CMTM3: variants seen among roughly 807,000 people sequenced by gnomAD.
CMTM3 encodes CKLF-like MARVEL transmembrane domain-containing protein 3.
A neutral mutation model predicts 18.2 loss-of-function variants in CMTM3; 7 were observed. The observed-to-expected ratio is 0.38, with a 90% CI of 0.22 to 0.72. The LOEUF (loss-of-function observed/expected upper bound fraction) is 0.72, where lower values mean the gene tolerates loss of function less well. Among genes scored for constraint, CMTM3 ranks in the 30% least tolerant of loss-of-function variants. The pLI, the probability that CMTM3 is intolerant of heterozygous loss-of-function variation, is 0.46. For synonymous variants in CMTM3, 109 were observed against 111.2 expected (o/e 0.98, Z 0.12); for missense variants, 227 against 249.2 (o/e 0.91, Z 0.60).
chr16:66,610,355 G>A lies in CMTM3; in HGVS notation c.520+352G>A, dbSNP rs1017229653. On this transcript the variant is annotated intron_variant, in intron 4 of 4. Coordinates refer to ENST00000567572, the MANE Select transcript of CMTM3 (RefSeq NM_181553.4). This position sits in a 1 kb window ranked among gnomAD's most constrained non-coding sequence, Gnocchi z 4.6. ...ATCCCCCAAACCCAGCCCCTCTGCT[G>A]TCTTACCCATCCAGGCCTGTCCTGG... 6.6e-6 allele frequency among the ~76,000 whole-genome samples: 1 copy of A among 152,166 alleles called. No individual in the cohort carries two copies. The highest frequency in any genetic ancestry group is 2.4e-5 in the African/African-American group (1 of 41,434).
rs761055628 is a variant in CMTM3 at position 66,608,609 on chromosome 16, C to G, written c.303+145C>G. 4.3e-4 allele frequency: 319 copies of G among 745,890 alleles called. No individual in the cohort carries two copies. Among genetic ancestry groups the G allele is most frequent in the Non-Finnish European group, 2.8e-4 (128 of 463,436 alleles). 46.2% of individuals were successfully genotyped at this position (745,890 alleles called of 1,614,324 possible). ...AGAACTGGATGGAGAGACCCAGCTT[C>G]AGATCATCCCAGCTCCACTACTCAG... On this transcript the variant is annotated intron_variant, in intron 2 of 4. Transcript: ENST00000567572. This position sits in a 1 kb window ranked among gnomAD's most constrained non-coding sequence, Gnocchi z 5.1.
chr16:66,607,673 G>T (rs547967319), intron 1 of CMTM3, among the ~76,000 whole-genome samples: 1 of 152,062 alleles, frequency 6.6e-6, no homozygotes, highest in Non-Finnish European at 1.5e-5. Context: ...TTCCTGCCTC[G>T]CTTTGATTTC....
Position 66,609,569 on chromosome 16 carries a change from C to T in CMTM3, c.399+39C>T, listed in dbSNP as rs967021550. 2 of 1,547,834 alleles carry T rather than the reference C, an allele frequency of 1.3e-6. No homozygotes were observed. Among genetic ancestry groups the T allele is most frequent in the Non-Finnish European group, 1.8e-6 (2 of 1,140,514 alleles). On this transcript the variant is annotated intron_variant, in intron 3 of 4. Coordinates refer to ENST00000567572, the MANE Select transcript of CMTM3 (RefSeq NM_181553.4). The surrounding 1 kb of genome is among the most constrained non-coding windows in gnomAD (Gnocchi z 4.4). ...CCACCCCTCTGGAAACTGCAGATGC[C>T]CCTCTAGCCCCTCATTTAGGGTGGG...
intron 1 of CMTM3, among the ~76,000 whole-genome samples, chr16:66,606,807 G>T (rs2015172442): frequency 1.3e-5 from 2 of 152,232 alleles, no homozygotes; most frequent in South Asian, 4.1e-4. Context: ...AGCCTGGCCA[G>T]CATGGTGAAA....
rs2015237128 is a variant in CMTM3 at position 66,608,301 on chromosome 16, C to A, written c.148-8C>A. On this transcript the variant is annotated splice_region_variant and splice_polypyrimidine_tract_variant and intron_variant, in intron 1 of 4. Transcript: ENST00000567572. This position sits in a 1 kb window ranked among gnomAD's most constrained non-coding sequence, Gnocchi z 5.1. ...GCTCTGACTTCACCTCAAACTCCTT[C>A]CCCGCAGGGTCTCTCATTCATCACT... 1.2e-6 allele frequency: 2 copies of A among 1,613,846 alleles called. No individual in the cohort carries two copies. The highest frequency in any genetic ancestry group is 1.7e-6 in the Non-Finnish European group (2 of 1,179,898).
In CMTM3 at chr16:66,609,285, C is replaced by A; in HGVS notation, c.304-150C>A. The A allele has an allele frequency of 1.5e-6, 1 of 651,686 alleles. No homozygotes were observed. The highest frequency in any genetic ancestry group is 2.8e-5 in the Admixed American group (1 of 36,010). 40.4% of individuals were successfully genotyped at this position (651,686 alleles called of 1,614,324 possible). ...CAGCAGAGGCACCTCGGGGGTGGGACAAGGGCCTAGGCATGTGGGTGGGGC... is the reference window on the plus strand; with the variant it reads ...CAGCAGAGGCACCTCGGGGGTGGGAAAAGGGCCTAGGCATGTGGGTGGGGC... On this transcript the variant is annotated intron_variant, in intron 2 of 4. Transcript: ENST00000567572. This position sits in a 1 kb window ranked among gnomAD's most constrained non-coding sequence, Gnocchi z 4.4.
chr16:66,605,180 G>A lies in CMTM3; in HGVS notation c.147+228G>A, dbSNP rs571645565. The A allele has an allele frequency of 2.1e-5, 9 of 420,550 alleles. No individual in the cohort carries two copies. Among genetic ancestry groups the A allele is most frequent in the African/African-American group, 1.0e-4 (5 of 47,798 alleles). The allele number at this position is 420,550 out of a possible 1,614,324, so 26.1% of individuals were successfully genotyped here. On this transcript the variant is annotated intron_variant, in intron 1 of 4. Transcript: ENST00000567572. This position sits in a 1 kb window ranked among gnomAD's most constrained non-coding sequence, Gnocchi z 4.6. ...CCAGGCCATCCGCGGCGCTGTCCCC[G>A]CGAGTCCAGAGCTGGGGGCCGTGGG...
chr16:66,606,250 A>T (rs2015147676), intron 1 of CMTM3, among the ~76,000 whole-genome samples: 1 of 152,278 alleles, frequency 6.6e-6, no homozygotes, highest in Admixed American at 6.5e-5. Context: ...TGAGATGGAC[A>T]GAAACAGAGA....
At position 66,609,829 on chromosome 16, in the gene CMTM3, C is replaced by T. The variant is rs200476183; in HGVS notation, c.400-54C>T. Reference sequence around the variant, plus strand: ...ATGGGCCGTGAGGCTGGGGCAGCAGCCTCCCGGAGCAGGGAGTCAGCCCTG... The same window carrying T: ...ATGGGCCGTGAGGCTGGGGCAGCAGTCTCCCGGAGCAGGGAGTCAGCCCTG... On this transcript the variant is annotated intron_variant, in intron 3 of 4. Coordinates refer to ENST00000567572, the MANE Select transcript of CMTM3 (RefSeq NM_181553.4). The surrounding 1 kb of genome is among the most constrained non-coding windows in gnomAD (Gnocchi z 4.4). The T allele has an allele frequency of 4.9e-4, 792 of 1,614,184 alleles. 8 individuals carry two copies. The South Asian group carries it at 6.0e-3, about 12-fold the overall frequency.
chr16:66,611,773 G>A (rs1305067034), intron 4 of CMTM3, among the ~76,000 whole-genome samples: 6 of 152,120 alleles, frequency 3.9e-5, no homozygotes, highest in Admixed American at 2.0e-4. Context: ...AGGAACCCTC[G>A]AGGTACACCT....
chr16:66,608,178 CT>C lies in CMTM3; in HGVS notation c.148-130del. Reference sequence around the variant, plus strand: ...CTAATCTGGCTCTGCCACTTCCCAGCTGCGGGACTGTGAGCAGTTGGCTTCC... The same window carrying C: ...CTAATCTGGCTCTGCCACTTCCCAGCGCGGGACTGTGAGCAGTTGGCTTCC... On this transcript the variant is annotated intron_variant, in intron 1 of 4. Transcript: ENST00000567572. The surrounding 1 kb of genome is among the most constrained non-coding windows in gnomAD (Gnocchi z 5.1). The C allele has an allele frequency of 1.1e-6, 1 of 941,770 alleles. No homozygotes were observed. Among genetic ancestry groups the C allele is most frequent in the East Asian group, 2.4e-5 (1 of 41,496 alleles). The allele number at this position is 941,770 out of a possible 1,614,324, so 58.3% of individuals were successfully genotyped here. A position where few individuals can be genotyped will look rare whatever the true frequency, so the allele number is the denominator to read the frequency against.
Position 66,610,063 on chromosome 16 carries a change from GA to G in CMTM3, c.520+61del. The G allele has an allele frequency of 6.3e-7, 1 of 1,597,378 alleles. No individual in the cohort carries two copies. Among genetic ancestry groups the G allele is most frequent in the East Asian group, 2.2e-5 (1 of 44,692 alleles). On this transcript the variant is annotated intron_variant, in intron 4 of 4. Coordinates refer to ENST00000567572, the MANE Select transcript of CMTM3 (RefSeq NM_181553.4). This position sits in a 1 kb window ranked among gnomAD's most constrained non-coding sequence, Gnocchi z 4.6. ...CAACAGGGGCCTGCCCTCCCTCGGG[GA>G]TGCCAGCTAGTTTGAGGCTGGGGTG...
chr16:66,611,397 T>C (rs1021697426), intron 4 of CMTM3, among the ~76,000 whole-genome samples: 1 of 151,684 alleles, frequency 6.6e-6, no homozygotes, highest in African/African-American at 2.4e-5. Context: ...TGCAGTGACC[T>C]GAGATCAAGA....
At position 66,609,411 on chromosome 16, in the gene CMTM3, G is replaced by A. The variant is rs777894557; in HGVS notation, c.304-24G>A. Reference sequence around the variant, plus strand: ...GCTGTGCTCAGCTCCAGGGGCTCAGGGCAGCATGCCCCTCTCTCCCCAGGA... The same window carrying A: ...GCTGTGCTCAGCTCCAGGGGCTCAGAGCAGCATGCCCCTCTCTCCCCAGGA... On this transcript the variant is annotated intron_variant, in intron 2 of 4. Coordinates refer to ENST00000567572, the MANE Select transcript of CMTM3 (RefSeq NM_181553.4). This position sits in a 1 kb window ranked among gnomAD's most constrained non-coding sequence, Gnocchi z 4.4. The A allele has an allele frequency of 1.2e-6, 2 of 1,602,532 alleles. No individual in the cohort carries two copies. The highest frequency in any genetic ancestry group is 1.1e-5 in the South Asian group (1 of 90,006).
chr16:66,608,230 C>T lies in CMTM3; in HGVS notation c.148-79C>T. 1 of 1,526,298 alleles carries T rather than the reference C, an allele frequency of 6.6e-7. No individual in the cohort carries two copies. Among genetic ancestry groups the T allele is most frequent in the African/African-American group, 1.4e-5 (1 of 73,396 alleles). The allele number at this position is 1,526,298 out of a possible 1,614,324, so 94.5% of individuals were successfully genotyped here. A position where few individuals can be genotyped will look rare whatever the true frequency, so the allele number is the denominator to read the frequency against. ...CCTGCTGGAACCTCCTCTATCCTGA[C>T]CACAGGGCCTGGCTCAGAGGAGCAC... On this transcript the variant is annotated intron_variant, in intron 1 of 4. Transcript: ENST00000567572. This position sits in a 1 kb window ranked among gnomAD's most constrained non-coding sequence, Gnocchi z 5.1.
chr16:66,606,276 G>A (rs1416662599), intron 1 of CMTM3, among the ~76,000 whole-genome samples: 3 of 152,126 alleles, frequency 2.0e-5, no homozygotes, highest in Non-Finnish European at 2.9e-5. Context: ...AGTGGCCCCA[G>A]AAATCGCGGG....
rs1191524238 is a variant in CMTM3 at position 66,613,314 on chromosome 16, C to T, written c.*677C>T. 1 of 591,198 alleles carries T rather than the reference C, an allele frequency of 1.7e-6. No individual in the cohort carries two copies. Among genetic ancestry groups the T allele is most frequent in the Non-Finnish European group, 3.0e-6 (1 of 330,344 alleles). 36.6% of individuals were successfully genotyped at this position (591,198 alleles called of 1,614,324 possible). A position where few individuals can be genotyped will look rare whatever the true frequency, so the allele number is the denominator to read the frequency against. On this transcript the variant is annotated 3_prime_UTR_variant, in exon 5 of 5. Coordinates refer to ENST00000567572, the MANE Select transcript of CMTM3 (RefSeq NM_181553.4). ...GGTCTAAGACTGTTTCAAAGAAGAG[C>T]TCATAGACTGACTGGTCCAGAAGAC...
At chr16:66,606,823 T>G (rs1373965898) in intron 1 of CMTM3, among the ~76,000 whole-genome samples, 1 of 152,080 alleles carries the variant, frequency 6.6e-6, no homozygotes, top group African/African-American at 2.4e-5. Flanking sequence ...TGAAACCCTG[T>G]CTCTACTAAA....
Position 66,609,155 on chromosome 16 carries a change from G to A in CMTM3, c.304-280G>A, listed in dbSNP as rs1425642339. Among the ~76,000 whole-genome samples the A allele has an allele frequency of 2.0e-5, 3 of 151,780 alleles. No homozygotes were observed. Among genetic ancestry groups the A allele is most frequent in the Non-Finnish European group, 2.9e-5 (2 of 67,922 alleles). On this transcript the variant is annotated intron_variant, in intron 2 of 4. Coordinates refer to ENST00000567572, the MANE Select transcript of CMTM3 (RefSeq NM_181553.4). The surrounding 1 kb of genome is among the most constrained non-coding windows in gnomAD (Gnocchi z 4.4). ...GGTGTTTCCAACTTCTGCTTCCACC[G>A]CATCGCAGGGCAGGCTGCACCCTGA...
Sources: allele counts gnomAD v4.1 joint callset (sites outside exome capture counted in the v4.1 genomes callset), GRCh38; gene constraint gnomAD v4.1.1; non-coding constraint Gnocchi (gnomAD v3.1); transcripts MANE v1.5; gene names NCBI Gene and HGNC (gene_info 2026-07-23, HGNC 2026-07-21).